ADCY3: variants seen among roughly 807,000 people sequenced by gnomAD.
ADCY3 encodes adenylate cyclase 3.
Under a neutral mutation model 119.4 loss-of-function variants are expected in ADCY3, and 70 were observed. That is an observed-to-expected ratio of 0.59 (90% CI 0.48 to 0.72). The LOEUF is 0.72. ADCY3 is among the 30% of genes least tolerant of loss of function. The pLI, the probability that ADCY3 is intolerant of heterozygous loss-of-function variation, is 0.00. For missense variants in ADCY3, 1,238 were observed against 1,541.6 expected (o/e 0.80, Z 3.30); for synonymous variants, 672 against 621.4 (o/e 1.08, Z -1.21).
At chr2:24,844,245 A>G (rs1361440714) in intron 3 of ADCY3, among the ~76,000 whole-genome samples, 1 of 151,872 alleles carries the variant, frequency 6.6e-6, no homozygotes, top group Non-Finnish European at 1.5e-5. Flanking sequence ...AAAGGTGAGG[A>G]GTGCATGGGC....
intron 19 of ADCY3, 49 bp downstream of exon 19, chr2:24,822,462 C>T (rs189352896): frequency 6.3e-7 from 1 of 1,599,212 alleles, no homozygotes; most frequent in African/African-American, 1.3e-5. Flanking sequence ...CTGCCAATCT[C>T]TTGCCTTGGG....
chr2:24,851,254 A>G (rs761134471), intron 3 of ADCY3, among the ~76,000 whole-genome samples: 1 of 152,070 alleles, frequency 6.6e-6, no homozygotes, highest in Non-Finnish European at 1.5e-5. Flanking sequence ...AAGGAGACAC[A>G]CAGCCAAAAT....
At chr2:24,885,162 G>A (rs890527381) in intron 2 of ADCY3, among the ~76,000 whole-genome samples, 7 of 152,176 alleles carry the variant, frequency 4.6e-5, no homozygotes, top group Admixed American at 4.6e-4. Context: ...AGCCTCCACT[G>A]TCTTGATGAG....
At chr2:24,897,932 A>C (rs2148971952) in intron 2 of ADCY3, among the ~76,000 whole-genome samples, 1 of 152,228 alleles carries the variant, frequency 6.6e-6, no homozygotes, top group African/African-American at 2.4e-5. Flanking sequence ...ATCTTCCTGA[A>C]AGGTAGCAGG....
chr2:24,822,439 T>A, intron 19 of ADCY3, 72 bp downstream of exon 19: 2 of 1,585,764 alleles, frequency 1.3e-6, no homozygotes, highest in Admixed American at 3.4e-5. Flanking sequence ...ATTTCCCCCA[T>A]GCTAGGTCTG....
intron 2 of ADCY3, among the ~76,000 whole-genome samples, chr2:24,917,186 C>G (rs1664561616): frequency 6.6e-6 from 1 of 152,246 alleles, no homozygotes; most frequent in South Asian, 2.1e-4. Flanking sequence ...GCACTGACCT[C>G]CATGGCTGCT....
rs77019294 is a variant in ADCY3, at chr2:24,918,841, C to T, written c.147G>A (p.Leu49=). Residue 49 remains leucine (L), a synonymous_variant, in exon 2 of 22, where the codon CTG becomes CTA. Transcript: ENST00000679454. The surrounding 1 kb of genome is among the most constrained non-coding windows in gnomAD (Gnocchi z 5.4). ...SVRNSGSCLC[L]PRFMRLTFVP... Reference sequence around the variant, plus strand: ...CGAAAGTCAGCCGCATGAAGCGAGGCAGGCACAGGCAGGAGCCCGAGTTCC... The same window carrying T: ...CGAAAGTCAGCCGCATGAAGCGAGGTAGGCACAGGCAGGAGCCCGAGTTCC... The T allele has an allele frequency of 6.2e-7, 1 of 1,613,528 alleles. No homozygotes were observed. The highest frequency in any genetic ancestry group is 8.5e-7 in the Non-Finnish European group (1 of 1,180,038).
At chr2:24,820,313 T>G (rs1484556375) in intron 21 of ADCY3, 199 bp from the exon 22 acceptor site, 59 of 1,304,574 alleles carry the variant, frequency 4.5e-5, no homozygotes, top group Non-Finnish European at 5.6e-5. Flanking sequence ...AGTGACTGGC[T>G]GGGGGCCTCC....
chr2:24,848,778 G>T (rs1351779554), intron 3 of ADCY3, among the ~76,000 whole-genome samples: 1 of 152,196 alleles, frequency 6.6e-6, no homozygotes, highest in Non-Finnish European at 1.5e-5. Flanking sequence ...AAAAGACAGG[G>T]CTTAATGTTC....
At chr2:24,826,174 G>A in intron 15 of ADCY3, 48 bp from the exon 16 acceptor site, 1 of 1,542,390 alleles carries the variant, frequency 6.5e-7, no homozygotes, top group Non-Finnish European at 8.9e-7. Context: ...TCTGCCTCCT[G>A]GAGGGGGCCT....
chr2:24,841,378 G>A lies in ADCY3; in HGVS notation c.1077C>T (p.His359=), dbSNP rs2148575939. 3.7e-6 allele frequency: 6 copies of A among 1,610,532 alleles called. No individual in the cohort carries two copies. Among genetic ancestry groups the A allele is most frequent in the Non-Finnish European group, 5.1e-6 (6 of 1,178,702 alleles). ...ARFDKLAAKY[H]QLRIKILGDC... ...CGCCCAGGATCTTAATCCGCAGCTG[G>A]TGGTATTTCTGAAAGGGGAGGGCCT... Residue 359 remains histidine (H), a synonymous_variant, in exon 6 of 22, where the codon CAC becomes CAT. Transcript: ENST00000679454. This position sits in a 1 kb window ranked among gnomAD's most constrained non-coding sequence, Gnocchi z 5.8.
chr2:24,838,756 A>G, intron 7 of ADCY3, 134 bp from the exon 8 acceptor site: 1 of 1,585,662 alleles, frequency 6.3e-7, no homozygotes, highest in Non-Finnish European at 8.6e-7. Flanking sequence ...GCAGAGGCCA[A>G]GTGGAGGCAG....
chr2:24,851,688 G>C (rs897111221), intron 3 of ADCY3, among the ~76,000 whole-genome samples: 3 of 152,266 alleles, frequency 2.0e-5, no homozygotes, highest in African/African-American at 7.2e-5. Flanking sequence ...AAGTCCCATA[G>C]ACTGTTCTTT....
chr2:24,821,074 G>A (rs549429089), intron 20 of ADCY3: 15 of 590,378 alleles, frequency 2.5e-5, no homozygotes, highest in East Asian at 9.6e-5. Context: ...AGATTTACTC[G>A]GCATGGTAGT....
intron 18 of ADCY3, among the ~76,000 whole-genome samples, chr2:24,822,973 T>C (rs993993485): frequency 6.6e-6 from 1 of 152,188 alleles, no homozygotes; most frequent in African/African-American, 2.4e-5. Context: ...TCTCGAGATG[T>C]TGCTTGGCCA....
chr2:24,886,326 G>A (rs1051689582), intron 2 of ADCY3, among the ~76,000 whole-genome samples: 8 of 152,268 alleles, frequency 5.3e-5, no homozygotes, highest in African/African-American at 1.4e-4. Flanking sequence ...TGGGAAGCAC[G>A]CACTTAGAAT....
intron 2 of ADCY3, among the ~76,000 whole-genome samples, chr2:24,901,430 A>T (rs558139462): frequency 6.6e-6 from 1 of 152,392 alleles, no homozygotes; most frequent in South Asian, 2.1e-4. Flanking sequence ...TTGTTTCTAA[A>T]AAAAGTAAAG....
intron 2 of ADCY3, among the ~76,000 whole-genome samples, chr2:24,903,456 C>T (rs1049725671): frequency 6.6e-6 from 1 of 151,972 alleles, no homozygotes; most frequent in Non-Finnish European, 1.5e-5. Context: ...TGAGACCAGC[C>T]GGGTCTGCGC....
chr2:24,840,061 G>C, intron 6 of ADCY3, 30 bp from the exon 7 acceptor site: 8 of 1,586,034 alleles, frequency 5.0e-6, no homozygotes, highest in Non-Finnish European at 6.9e-6. Context: ...AGGAGGGTCA[G>C]GGTGTGGCCT....
Sources: allele counts gnomAD v4.1 joint callset (sites outside exome capture counted in the v4.1 genomes callset), GRCh38; gene constraint gnomAD v4.1.1; non-coding constraint Gnocchi (gnomAD v3.1); transcripts MANE v1.5; gene names NCBI Gene and HGNC (gene_info 2026-07-23, HGNC 2026-07-21).